The following C3orf20 variants were observed in gnomAD, a reference collection of about 807,000 sequenced individuals.
C3orf20 encodes the protein uncharacterized protein C3orf20.
Under a neutral mutation model 88.3 loss-of-function variants are expected in C3orf20, and 76 were observed. The ratio of observed to expected loss-of-function variants is 0.86; its 90% CI spans 0.72 to 1.04. The LOEUF is 1.04. C3orf20 is among the 50% of genes least tolerant of loss of function. The pLI, the probability that C3orf20 is intolerant of heterozygous loss-of-function variation, is 0.00. For missense variants in C3orf20, 1,056 were observed against 1,123.3 expected, an observed-to-expected ratio of 0.94 and a Z score of 0.86; for synonymous variants, 436 against 437.4, an observed-to-expected ratio of 1.00 and a Z score of 0.04.
intron 15 of C3orf20, among the ~76,000 whole-genome samples, chr3:14,762,069 GT>G (rs568472468): frequency 3.3e-5 from 5 of 152,238 alleles, no homozygotes; most frequent in Non-Finnish European, 7.4e-5. Context: ...CTTCTGCTTT[GT>G]TTTTTTGTTT....
chr3:14,713,272 TGG>T (rs2033818337), intron 7 of C3orf20, among the ~76,000 whole-genome samples: 1 of 152,216 alleles, frequency 6.6e-6, no homozygotes. Flanking sequence ...TCTCTCCTTC[TGG>T]GACTCCTATT....
chr3:14,767,658 T>C (rs1319268690), intron 15 of C3orf20, among the ~76,000 whole-genome samples: 1 of 152,230 alleles, frequency 6.6e-6, no homozygotes, highest in Non-Finnish European at 1.5e-5. Context: ...CACAGAGTAC[T>C]TTGCAAACTG....
intron 7 of C3orf20, among the ~76,000 whole-genome samples, chr3:14,706,297 C>T (rs2033501281): frequency 6.6e-6 from 1 of 152,052 alleles, no homozygotes; most frequent in Non-Finnish European, 1.5e-5. Flanking sequence ...ACACAGCTGA[C>T]TCCTTCGAGA....
At chr3:14,738,772 C>T (rs1024977175) in intron 12 of C3orf20, among the ~76,000 whole-genome samples, 7 of 129,572 alleles carry the variant, frequency 5.4e-5, no homozygotes, top group East Asian at 2.5e-4. Context: ...TCCTGAGTAG[C>T]TGGGATTACA....
intron 12 of C3orf20, among the ~76,000 whole-genome samples, chr3:14,753,981 G>A (rs930367707): frequency 8.5e-5 from 13 of 152,206 alleles, no homozygotes; most frequent in Non-Finnish European, 1.3e-4. Context: ...ATCTGCATTA[G>A]CCTTTACCTT....
intron 5 of C3orf20, among the ~76,000 whole-genome samples, chr3:14,692,023 T>G (rs1160838698): frequency 6.6e-6 from 1 of 152,256 alleles, no homozygotes; most frequent in Non-Finnish European, 1.5e-5. Flanking sequence ...CTTATTTCAC[T>G]TAACATAATG....
chr3:14,676,279 T>G (rs2031767430), intron 1 of C3orf20, among the ~76,000 whole-genome samples: 1 of 152,014 alleles, frequency 6.6e-6, no homozygotes, highest in South Asian at 2.1e-4. Flanking sequence ...AGGTTGCAAG[T>G]GAGTCTGGTA....
In C3orf20 at chr3:14,690,049, C is replaced by G. The variant is rs1286834925; in HGVS notation, c.678C>G (p.Ile226Met). 1 of 1,614,098 alleles carries G rather than the reference C, an allele frequency of 6.2e-7. No homozygotes were observed. The highest frequency in any genetic ancestry group is 8.5e-7 in the Non-Finnish European group (1 of 1,180,034). The change falls in exon 5 of 17, where the codon ATC (isoleucine) becomes ATG (methionine). Residue 226 changes from isoleucine (I) to methionine (M), a missense_variant. Coordinates refer to ENST00000253697, the MANE Select transcript of C3orf20 (RefSeq NM_032137.5). ...AIGVNSPYQLIYHSSTACLSF... is the reference protein window; with the variant it reads ...AIGVNSPYQLMYHSSTACLSF... ...GGGTGAACTCGCCTTACCAGCTGAT[C>G]TACCACTCTTCCACAGCCTGTCTGA...
rs753953694 is a variant in C3orf20, at chr3:14,683,107, G to T, written c.394G>T (p.Glu132Ter). Residue 132 changes from glutamate (E) to a stop codon, truncating the protein, a stop_gained, in exon 3 of 17, where the codon GAG (glutamate) becomes TAG (stop). Coordinates refer to ENST00000253697, the MANE Select transcript of C3orf20 (RefSeq NM_032137.5). LOFTEE classifies it high-confidence loss of function. Reference protein sequence around the residue: ...TMARQVRTHQETLNRFQQQSI... With the variant: ...TMARQVRTHQ ...GGCCCGTCAGGTGCGCACCCACCAG[G>T]AGACCCTGAACAGGTTTCAGCAGCA... is the stretch of plus-strand genomic sequence containing the variant. 3.7e-6 allele frequency: 6 copies of T among 1,614,134 alleles called. No individual in the cohort carries two copies. The South Asian group carries it at 5.5e-5, about 15-fold the overall frequency.
intron 12 of C3orf20, among the ~76,000 whole-genome samples, chr3:14,747,647 T>C (rs2035094542): frequency 6.6e-6 from 1 of 152,184 alleles, no homozygotes; most frequent in Admixed American, 6.5e-5. Context: ...TCTTCAGTCA[T>C]CCCACTTTCT....
rs369488901 is a variant in C3orf20 at position 14,744,303 on chromosome 3, A to G, written c.1941-13068A>G. Among the ~76,000 whole-genome samples the G allele has an allele frequency of 3.3e-5, 5 of 152,124 alleles. No homozygotes were observed. In the East Asian group the frequency reaches 9.6e-4, roughly 29 times the overall value. On this transcript the variant is annotated intron_variant, in intron 12 of 16. Coordinates refer to ENST00000253697, the MANE Select transcript of C3orf20 (RefSeq NM_032137.5). The stretch of plus-strand genomic sequence containing the variant: ...AGTCTCTTTGCTAAAACATAACAAG[A>G]GTCACCTGTGATCCAGTTCCCAACA...
At chr3:14,715,544 T>G in intron 9 of C3orf20, 135 bp downstream of exon 9, 1 of 1,194,404 alleles carries the variant, frequency 8.4e-7, no homozygotes, top group Non-Finnish European at 1.1e-6. Context: ...CTGAAGGAGC[T>G]CATAATCTCA....
Position 14,728,502 on chromosome 3 carries a change from G to C in C3orf20, c.1754G>C (p.Arg585Thr). 6.2e-7 allele frequency: 1 copy of C among 1,614,194 alleles called. No individual in the cohort carries two copies. Among genetic ancestry groups the C allele is most frequent in the South Asian group, 1.1e-5 (1 of 91,084 alleles). Residue 585 changes from arginine to threonine, a missense_variant, in exon 12 of 17, where the codon AGA (arginine) becomes ACA (threonine). Physicochemically the swap from Arg to Thr is moderately conservative, Grantham distance 71. Transcript: ENST00000253697. Reference sequence around the variant, plus strand: ...GAAGAATTTGTTCGGTTCAAGATGAGATCCAGAACTCATCCCGAGCGGCTC... The same window carrying C: ...GAAGAATTTGTTCGGTTCAAGATGACATCCAGAACTCATCCCGAGCGGCTC... ...EEEEFVRFKM[R>T]SRTHPERLPK...
chr3:14,687,367 A>C (rs2032488150), intron 4 of C3orf20, among the ~76,000 whole-genome samples: 1 of 152,132 alleles, frequency 6.6e-6, no homozygotes. Context: ...GTGATAAAAC[A>C]CTCTTACCCA....
intron 11 of C3orf20, among the ~76,000 whole-genome samples, chr3:14,727,753 A>G (rs2034405519): frequency 6.6e-6 from 1 of 151,970 alleles, no homozygotes; most frequent in African/African-American, 2.4e-5. Context: ...GCACTTAATT[A>G]TTTATTTTTT....
At position 14,768,620 on chromosome 3, in the gene C3orf20, G is replaced by A. The variant is rs746865971; in HGVS notation, c.2496-3447G>A. ...TGTCACAGCAGCAGACAGTAACGAC[G>A]GATGAGGATGGTGTTAAAACTACCT... On this transcript the variant is annotated intron_variant, in intron 15 of 16. Transcript: ENST00000253697. This position sits in a 1 kb window ranked among gnomAD's most constrained non-coding sequence, Gnocchi z 4.1. Among the ~76,000 whole-genome samples, 2 of 151,970 alleles carry A rather than the reference G, an allele frequency of 1.3e-5. No individual in the cohort carries two copies. Among genetic ancestry groups the A allele is most frequent in the African/African-American group, 4.8e-5 (2 of 41,276 alleles).
intron 12 of C3orf20, among the ~76,000 whole-genome samples, chr3:14,756,399 T>C (rs1400054817): frequency 6.6e-6 from 1 of 152,144 alleles, no homozygotes; most frequent in African/African-American, 2.4e-5. Context: ...GCTACTGTTT[T>C]ATTCCACTGA....
At position 14,749,921 on chromosome 3, in the gene C3orf20, C is replaced by T. The variant is rs77552044; in HGVS notation, c.1941-7450C>T. On this transcript the variant is annotated intron_variant, in intron 12 of 16. Coordinates refer to ENST00000253697, the MANE Select transcript of C3orf20 (RefSeq NM_032137.5). ...TTTATGTTGACATTGTTATAAAAAA[C>T]GTCTTTATGCATTGTGTGCCCATTA... Among the ~76,000 whole-genome samples the T allele has an allele frequency of 5.3e-5, 8 of 151,500 alleles. No individual in the cohort carries two copies. In the East Asian group the frequency reaches 7.7e-4, roughly 15 times the overall value.
Position 14,715,275 on chromosome 3 carries a change from T to C in C3orf20, c.1314-14T>C, listed in dbSNP as rs1241179753. 1.4e-5 allele frequency: 23 copies of C among 1,609,848 alleles called. 1 individual carries two copies. The Admixed American group carries it at 3.5e-4, about 25-fold the overall frequency. On this transcript the variant is annotated splice_polypyrimidine_tract_variant and intron_variant, in intron 8 of 16. Transcript: ENST00000253697. ...GGGCCCGGTGGCAGCTACTCACTTC[T>C]GTATCTCTCCTAGTTGCCCATATGT... is the stretch of plus-strand genomic sequence containing the variant.
Sources: allele counts gnomAD v4.1 joint callset (sites outside exome capture counted in the v4.1 genomes callset), GRCh38; gene constraint gnomAD v4.1.1; non-coding constraint Gnocchi (gnomAD v3.1); transcripts MANE v1.5; gene names NCBI Gene and HGNC (gene_info 2026-07-23, HGNC 2026-07-21).